EIF3H: variants seen among roughly 807,000 people sequenced by gnomAD.
EIF3H encodes eukaryotic translation initiation factor 3 subunit H, also known as eIF-3-gamma.
A neutral mutation model predicts 44.2 loss-of-function variants in EIF3H; 26 were observed. That is an observed-to-expected ratio of 0.59 (90% CI 0.43 to 0.82). EIF3H has a LOEUF of 0.82. EIF3H is among the 40% of genes least tolerant of loss of function. The pLI is 0.00. For synonymous variants in EIF3H, 166 were observed against 151.9 expected, an observed-to-expected ratio of 1.09 and a Z score of -0.68; for missense variants, 359 against 432.8, an observed-to-expected ratio of 0.83 and a Z score of 1.51.
chr8:116,734,457 A>T, intron 1 of EIF3H: 3 of 448,580 alleles, frequency 6.7e-6, no homozygotes, highest in Non-Finnish European at 1.3e-5. Flanking sequence ...TTAGGGGAAG[A>T]AAAAGGCCTC....
At chr8:116,676,531 C>T (rs1292875525) in intron 2 of EIF3H, among the ~76,000 whole-genome samples, 5 of 152,094 alleles carry the variant, frequency 3.3e-5, no homozygotes, top group Non-Finnish European at 1.5e-5. Flanking sequence ...TGGGGGAAAC[C>T]GCCCCCCATG....
chr8:116,652,323 C>CAATCACTGGGA (rs1813407770), intron 5 of EIF3H, among the ~76,000 whole-genome samples: 1 of 152,170 alleles, frequency 6.6e-6, no homozygotes, highest in South Asian at 2.1e-4. Context: ...AAACTGTTGA[C>CAATCACTGGGA]AATCACTGGG....
At chr8:116,659,903 T>C (rs913439712) in intron 2 of EIF3H, among the ~76,000 whole-genome samples, 11 of 152,166 alleles carry the variant, frequency 7.2e-5, no homozygotes, top group African/African-American at 2.7e-4. Context: ...TTATTATTAT[T>C]GACACAGGGT....
At chr8:116,689,791 A>T (rs1442139988) in intron 2 of EIF3H, among the ~76,000 whole-genome samples, 1 of 152,222 alleles carries the variant, frequency 6.6e-6, no homozygotes, top group African/African-American at 2.4e-5. Context: ...TATATTTATT[A>T]AAAACTCAAA....
intron 1 of EIF3H, among the ~76,000 whole-genome samples, chr8:116,740,925 A>C (rs1329738869): frequency 6.6e-6 from 1 of 152,140 alleles, no homozygotes; most frequent in Non-Finnish European, 1.5e-5. Context: ...AATCTCAAGC[A>C]CTGTTGCAAA....
chr8:116,721,570 C>T (rs1563652774), intron 2 of EIF3H, among the ~76,000 whole-genome samples: 1 of 152,186 alleles, frequency 6.6e-6, no homozygotes, highest in Admixed American at 6.5e-5. Context: ...CTGGAAAAGC[C>T]GCAGACACTC....
chr8:116,740,972 C>T (rs1284298625), intron 1 of EIF3H, among the ~76,000 whole-genome samples: 1 of 152,216 alleles, frequency 6.6e-6, no homozygotes, highest in Non-Finnish European at 1.5e-5. Context: ...ACCTAGCACA[C>T]AATTACTAGT....
intron 2 of EIF3H, among the ~76,000 whole-genome samples, chr8:116,697,622 C>A (rs1415393856): frequency 6.6e-6 from 1 of 152,196 alleles, no homozygotes; most frequent in Non-Finnish European, 1.5e-5. Context: ...ACCCCCCTTA[C>A]CAGAAACCTC....
At chr8:116,647,380 G>A (rs1249212258) in intron 6 of EIF3H, among the ~76,000 whole-genome samples, 2 of 152,116 alleles carry the variant, frequency 1.3e-5, no homozygotes, top group African/African-American at 2.4e-5. Flanking sequence ...GATTACAGGC[G>A]AGAGCCACCA....
chr8:116,739,099 G>A (rs879642637), intron 1 of EIF3H, among the ~76,000 whole-genome samples: 3 of 152,174 alleles, frequency 2.0e-5, no homozygotes, highest in Non-Finnish European at 4.4e-5. Flanking sequence ...TGGAATAAGA[G>A]CAAGGAACAC....
intron 2 of EIF3H, among the ~76,000 whole-genome samples, chr8:116,662,853 T>G (rs1203384522): frequency 6.6e-6 from 1 of 152,178 alleles, no homozygotes; most frequent in African/African-American, 2.4e-5. Context: ...GGCATGCTGG[T>G]TAAGTTTTAC....
At chr8:116,733,579 T>C (rs893726859) in intron 1 of EIF3H, among the ~76,000 whole-genome samples, 3 of 152,048 alleles carry the variant, frequency 2.0e-5, no homozygotes, top group Non-Finnish European at 2.9e-5. Context: ...ACTAAAGATA[T>C]TTCATGTATT....
At chr8:116,755,525 A>T in intron 1 of EIF3H, 141 bp downstream of exon 1, 1 of 1,111,708 alleles carries the variant, frequency 9.0e-7, no homozygotes, top group Non-Finnish European at 1.3e-6. Context: ...AAAAGTGAAG[A>T]TGAAAGAGAA....
exon 1 of EIF3H, chr8:116,765,567 T>G (rs1264623224): frequency 2.6e-5 from 4 of 152,234 alleles, no homozygotes; most frequent in African/African-American, 9.6e-5. Flanking sequence ...ATTTTCTGAT[T>G]CATTCTCCTC....
chr8:116,652,996 C>T (rs1225114186), intron 5 of EIF3H, among the ~76,000 whole-genome samples: 1 of 151,906 alleles, frequency 6.6e-6, no homozygotes, highest in Non-Finnish European at 1.5e-5. Flanking sequence ...TCATTAATTG[C>T]AAAAGGAAAT....
At chr8:116,717,596 A>G (rs978500373) in intron 2 of EIF3H, among the ~76,000 whole-genome samples, 7 of 152,174 alleles carry the variant, frequency 4.6e-5, no homozygotes, top group African/African-American at 1.7e-4. Context: ...ATAATGCCAA[A>G]TACTTAGAGT....
intron 2 of EIF3H, among the ~76,000 whole-genome samples, chr8:116,704,405 G>T (rs997010353): frequency 1.3e-4 from 20 of 152,184 alleles, no homozygotes; most frequent in African/African-American, 4.8e-4. Flanking sequence ...TACAATAATG[G>T]CGAGGATGAT....
intron 2 of EIF3H, among the ~76,000 whole-genome samples, chr8:116,706,399 T>C (rs183781127): frequency 6.6e-6 from 1 of 152,326 alleles, no homozygotes; most frequent in Non-Finnish European, 1.5e-5. Context: ...AGTTACTTCT[T>C]ATCTTTCAAG....
At position 116,655,986 on chromosome 8, in the gene EIF3H, T is replaced by C. The variant is rs771648274; in HGVS notation, c.577A>G (p.Thr193Ala). The C allele has an allele frequency of 6.2e-7, 1 of 1,613,292 alleles. No individual in the cohort carries two copies. The change falls in exon 5 of 8, where the codon ACC becomes GCC. Residue 193 changes from threonine (T) to alanine (A), a missense_variant. Transcript: ENST00000521861. Reference sequence around the variant, plus strand: ...ACTTCTTCAAACATGTACTCAAAGGTGATATTTGCTTTTTTCAATCTGTGA... The same window carrying C: ...ACTTCTTCAAACATGTACTCAAAGGCGATATTTGCTTTTTTCAATCTGTGA... ...SPEALKKANI[T>A]FEYMFEEVPI...
Sources: allele counts gnomAD v4.1 joint callset (sites outside exome capture counted in the v4.1 genomes callset), GRCh38; gene constraint gnomAD v4.1.1; transcripts MANE v1.5; gene names NCBI Gene and HGNC (gene_info 2026-07-23, HGNC 2026-07-21).